The following FUCA1 variants were observed in gnomAD, a reference collection of about 807,000 sequenced individuals.
FUCA1 encodes the protein tissue alpha-L-fucosidase.
Under a neutral mutation model 56.8 loss-of-function variants are expected in FUCA1, and 52 were observed. The observed-to-expected ratio is 0.92, with a 90% confidence interval of 0.73 to 1.15. FUCA1 has a LOEUF of 1.15. Among genes scored for constraint, FUCA1 ranks in the 50% most tolerant of loss-of-function variants. FUCA1 has a pLI of 0.00. For missense variants in FUCA1, 568 were observed against 592.6 expected, an observed-to-expected ratio of 0.96 and a Z score of 0.43; for synonymous variants, 230 against 226.6, an observed-to-expected ratio of 1.02 and a Z score of -0.14.
At chr1:23,854,809 G>C (rs1192104496) in intron 4 of FUCA1, among the ~76,000 whole-genome samples, 1 of 152,130 alleles carries the variant, frequency 6.6e-6, no homozygotes, top group Non-Finnish European at 1.5e-5. Flanking sequence ...ACAATGCACA[G>C]GACAGCCCCC....
At position 23,865,594 on chromosome 1, in the gene FUCA1, C is replaced by T. The variant is rs764209760; in HGVS notation, c.421G>A (p.Gly141Ser). The T allele has an allele frequency of 1.2e-6, 2 of 1,614,098 alleles. No homozygotes were observed. The highest frequency in any genetic ancestry group is 2.7e-5 in the African/African-American group (2 of 74,932). ...ACAGGACTCGGCCAGTTTGTGAAGC[C>T]TTCGTGATGCTTTGTCGTCAAAACT... ...YVVLTTKHHEGFTNWPSPVSW... is the reference protein window; with the variant it reads ...YVVLTTKHHESFTNWPSPVSW... Residue 141 changes from glycine to serine, a missense_variant, in exon 2 of 8, where the codon GGC (glycine) becomes AGC (serine). Gly to Ser is a moderately conservative substitution (Grantham distance 56). Transcript: ENST00000374479.
At chr1:23,848,169 T>C (rs766536851) in intron 6 of FUCA1, among the ~76,000 whole-genome samples, 7 of 152,194 alleles carry the variant, frequency 4.6e-5, no homozygotes, top group Non-Finnish European at 8.8e-5. Context: ...CTCTCTGGTA[T>C]AATAAAAGCA....
Position 23,868,008 on chromosome 1 carries a change from C to A in FUCA1, c.279G>T (p.Met93Ile), listed in dbSNP as rs1246062924. The change falls in exon 1 of 8, where the codon ATG becomes ATT. Residue 93 changes from methionine to isoleucine, a missense_variant. Met to Ile is a conservative substitution (Grantham distance 10). Transcript: ENST00000374479. ...TGAAGCCGGGCGGGTAGTTGTCGCG[C>A]ATGAAGCGCTGGTACTGCGGCCGCC... ...GEGRPQYQRF[M>I]RDNYPPGFSY... The A allele has an allele frequency of 6.2e-7, 1 of 1,607,160 alleles. No homozygotes were observed. Among genetic ancestry groups the A allele is most frequent in the Non-Finnish European group, 8.5e-7 (1 of 1,177,884 alleles).
intron 5 of FUCA1, among the ~76,000 whole-genome samples, chr1:23,853,414 C>A: frequency 6.6e-6 from 1 of 151,144 alleles, no homozygotes; most frequent in Non-Finnish European, 1.5e-5. Flanking sequence ...CCCCGCCTGG[C>A]CAGCCGCCCC....
intron 2 of FUCA1, 66 bp downstream of exon 2, chr1:23,865,425 G>C (rs1639601874): frequency 6.2e-7 from 1 of 1,601,046 alleles, no homozygotes; most frequent in Admixed American, 1.7e-5. Context: ...CGCAAGTAGA[G>C]GAGGTACAGA....
At position 23,854,488 on chromosome 1, in the gene FUCA1, C is replaced by T. The variant is rs2148442853; in HGVS notation, c.841G>A (p.Asp281Asn). The change falls in exon 5 of 8, where the codon GAT becomes AAT. Residue 281 changes from aspartate to asparagine, a missense_variant. Coordinates refer to ENST00000374479, the MANE Select transcript of FUCA1 (RefSeq NM_000147.5). ...CHHGGYYNCEDKFKPQSLPDH... is the reference protein window; with the variant it reads ...CHHGGYYNCENKFKPQSLPDH... The stretch of plus-strand genomic sequence containing the variant: ...GGCAAGCTCTGTGGCTTGAATTTAT[C>T]TTCACAGTTATAGTATCCTCCATGG... 1.2e-6 allele frequency: 2 copies of T among 1,614,114 alleles called. No individual in the cohort carries two copies. The highest frequency in any genetic ancestry group is 2.2e-5 in the East Asian group (1 of 44,882).
At chr1:23,860,509 G>A (rs1570685272) in intron 3 of FUCA1, among the ~76,000 whole-genome samples, 1 of 151,366 alleles carries the variant, frequency 6.6e-6, no homozygotes, top group African/African-American at 2.4e-5. Flanking sequence ...GCGTGAACCT[G>A]GGAGGCGGAG....
intron 6 of FUCA1, among the ~76,000 whole-genome samples, chr1:23,846,503 T>C (rs577584365): frequency 3.9e-5 from 6 of 152,296 alleles, no homozygotes; most frequent in African/African-American, 1.4e-4. Context: ...ACTCCTGGCC[T>C]CAAGTGATCC....
rs118204450 is a variant in FUCA1, at chr1:23,845,837, G to C, written c.1279C>G (p.Gln427Glu). Residue 427 changes from glutamine (Q) to glutamate (E), a missense_variant, in exon 8 of 8, where the codon CAA (glutamine) becomes GAA (glutamate). Gln to Glu is a conservative substitution (Grantham distance 29). Transcript: ENST00000374479. ...TCTGTGGACCACTTCAGATCTCCTT[G>C]AATTCCCAGCATTGTTATCTGCAGA... ...STTKITMLGI[Q>E]GDLKWSTDPD... 1.2e-6 allele frequency: 2 copies of C among 1,614,010 alleles called. No individual in the cohort carries two copies. Among genetic ancestry groups the C allele is most frequent in the African/African-American group, 1.3e-5 (1 of 74,904 alleles).
At chr1:23,847,449 A>G (rs1414725734) in intron 6 of FUCA1, among the ~76,000 whole-genome samples, 1 of 152,070 alleles carries the variant, frequency 6.6e-6, no homozygotes, top group Non-Finnish European at 1.5e-5. Flanking sequence ...CCCAAATCTC[A>G]TGATGGAAAC....
At chr1:23,853,978 G>GTT (rs1166596583) in intron 5 of FUCA1, among the ~76,000 whole-genome samples, 1 of 150,750 alleles carries the variant, frequency 6.6e-6, no homozygotes, top group Non-Finnish European at 1.5e-5. Flanking sequence ...TTGTTCACTT[G>GTT]TTTATCTGCT....
chr1:23,868,196 C>T lies in FUCA1; in HGVS notation c.91G>A (p.Ala31Thr), dbSNP rs774539460. ...GGGGTGTAGCGGCGCGGAGGCTGGG[C>T]CCGACGCACCGACTCGGCCGCTCCG... Reference protein sequence around the residue: ...FLGAAESVRRAQPPRRYTPDW... With the variant: ...FLGAAESVRRTQPPRRYTPDW... The change falls in exon 1 of 8, where the codon GCC becomes ACC. Residue 31 changes from alanine to threonine, a missense_variant. By Grantham distance (58) the Ala-to-Thr change is moderately conservative. Transcript: ENST00000374479. 1.1e-5 allele frequency: 17 copies of T among 1,599,268 alleles called. No homozygotes were observed. Among genetic ancestry groups the T allele is most frequent in the Admixed American group, 1.7e-5 (1 of 57,894 alleles).
chr1:23,848,333 T>C (rs1436510522), intron 6 of FUCA1, among the ~76,000 whole-genome samples: 1 of 152,162 alleles, frequency 6.6e-6, no homozygotes, highest in Non-Finnish European at 1.5e-5. Flanking sequence ...ATGGAAAGAA[T>C]TTTGGATGGG....
intron 5 of FUCA1, among the ~76,000 whole-genome samples, chr1:23,853,771 C>T (rs1285919472): frequency 6.6e-6 from 1 of 151,698 alleles, no homozygotes; most frequent in Non-Finnish European, 1.5e-5. Context: ...TACCCACAAC[C>T]CTGTGCTCTC....
intron 5 of FUCA1, among the ~76,000 whole-genome samples, chr1:23,852,214 A>T (rs1402369289): frequency 6.6e-6 from 1 of 151,594 alleles, no homozygotes; most frequent in Non-Finnish European, 1.5e-5. Flanking sequence ...TGAGGCCAGG[A>T]GTTTGAGACC....
chr1:23,868,229 G>A lies in FUCA1; in HGVS notation c.58C>T (p.Leu20Phe), dbSNP rs2148450763. 6.3e-7 allele frequency: 1 copy of A among 1,578,470 alleles called. No homozygotes were observed. Among genetic ancestry groups the A allele is most frequent in the East Asian group, 2.3e-5 (1 of 43,028 alleles). ...PAGPALLLLLLFLGAAESVRR... is the reference protein window; with the variant it reads ...PAGPALLLLLFFLGAAESVRR... ...ACCGACTCGGCCGCTCCGAGGAAGA[G>A]CAGCAGCAGCAACAGCGCGGGACCC... Residue 20 changes from leucine (L) to phenylalanine (F), a missense_variant, in exon 1 of 8, where the codon CTC (leucine) becomes TTC (phenylalanine). Coordinates refer to ENST00000374479, the MANE Select transcript of FUCA1 (RefSeq NM_000147.5).
chr1:23,859,570 A>T (rs78290390), intron 4 of FUCA1, among the ~76,000 whole-genome samples: 1 of 139,632 alleles, frequency 7.2e-6, no homozygotes, highest in African/African-American at 2.7e-5. Context: ...TGTCTCAATT[A>T]AAAAAAAAAA....
intron 4 of FUCA1, among the ~76,000 whole-genome samples, chr1:23,858,166 A>G (rs1302886428): frequency 6.7e-6 from 1 of 150,262 alleles, no homozygotes; most frequent in Non-Finnish European, 1.5e-5. Flanking sequence ...CCAGGTTCAC[A>G]CCATTCTCCT....
chr1:23,863,000 A>G, intron 3 of FUCA1, 134 bp downstream of exon 3: 1 of 962,528 alleles, frequency 1.0e-6, no homozygotes, highest in South Asian at 1.3e-5. Context: ...TCTTAATACA[A>G]CCACCACTTT....
Sources: allele counts gnomAD v4.1 joint callset (sites outside exome capture counted in the v4.1 genomes callset), GRCh38; gene constraint gnomAD v4.1.1; transcripts MANE v1.5; gene names NCBI Gene and HGNC (gene_info 2026-07-23, HGNC 2026-07-21).